Variants in THAP3 observed in about 807,000 individuals in gnomAD.
The protein encoded by THAP3 is THAP domain containing 3.
In THAP3, 12 loss-of-function variants were observed where a neutral mutation model predicts 17.7. That is an observed-to-expected ratio of 0.68 (90% CI 0.43 to 1.10). The LOEUF is 1.10. THAP3 is among the 50% of genes least tolerant of loss of function. The pLI is 0.00. For missense variants in THAP3, 289 were observed against 318.0 expected, an observed-to-expected ratio of 0.91 and a Z score of 0.69; for synonymous variants, 133 against 126.9, an observed-to-expected ratio of 1.05 and a Z score of -0.32.
At chr1:6,634,096 G>A (rs767361765), downstream of THAP3, 5 of 1,612,894 alleles carry the variant, frequency 3.1e-6, no homozygotes, top group African/African-American at 2.7e-5. Context: ...TGAAGGATGG[G>A]GAGGAGGCCT....
intron 2 of THAP3, among the ~76,000 whole-genome samples, chr1:6,627,519 C>T (rs1028092250): frequency 6.6e-6 from 1 of 152,142 alleles, no homozygotes; most frequent in Non-Finnish European, 1.5e-5. Context: ...AGTGCGCCAC[C>T]ACGCTGGGCT....
chr1:6,632,574 C>A, intron 5 of THAP3, 79 bp downstream of exon 5: 1 of 1,587,832 alleles, frequency 6.3e-7, no homozygotes. Flanking sequence ...AGTGAGCACC[C>A]ACCATGAGAC....
downstream of THAP3, chr1:6,635,425 C>T (rs1207603248): frequency 4.1e-6 from 2 of 488,912 alleles, no homozygotes; most frequent in African/African-American, 3.9e-5. Flanking sequence ...CCTCCAGGAA[C>T]TGATCCTTGG....
intron 2 of THAP3, among the ~76,000 whole-genome samples, chr1:6,626,890 G>A (rs924323982): frequency 6.6e-6 from 1 of 152,186 alleles, no homozygotes; most frequent in Admixed American, 6.5e-5. Flanking sequence ...GTTTTGGTGG[G>A]ACTTGTGTTG....
chr1:6,625,286 T>A lies in THAP3; in HGVS notation c.68T>A (p.Phe23Tyr). The A allele has an allele frequency of 6.5e-7, 1 of 1,540,950 alleles. No homozygotes were observed. Among genetic ancestry groups the A allele is most frequent in the Non-Finnish European group, 8.7e-7 (1 of 1,145,602 alleles). Residue 23 changes from phenylalanine to tyrosine, a missense_variant, in exon 2 of 6, where the codon TTC becomes TAC. Physicochemically the swap from Phe to Tyr is conservative, Grantham distance 22. Coordinates refer to ENST00000054650, the MANE Select transcript of THAP3 (RefSeq NM_001195753.2). ...AGCAGCCGCAGGAAGCAGCTCACCTTCCACCGGTAAGAGGCGGGGACCCGG... is the reference window on the plus strand; with the variant it reads ...AGCAGCCGCAGGAAGCAGCTCACCTACCACCGGTAAGAGGCGGGGACCCGG... Reference protein sequence around the residue: ...RYSSRRKQLTFHRFPFSRPEL... With the variant: ...RYSSRRKQLTYHRFPFSRPEL...
At chr1:6,632,046 CAAA>C (rs35349874) in intron 4 of THAP3, among the ~76,000 whole-genome samples, 2 of 111,390 alleles carry the variant, frequency 1.8e-5, no homozygotes, top group African/African-American at 3.6e-5. Flanking sequence ...GATTCCGTCT[CAAA>C]AAAAAAAAAA....
rs780408921 is a variant in THAP3, at chr1:6,632,528, G to A, written c.438+33G>A. On this transcript the variant is annotated intron_variant, in intron 5 of 5. Transcript: ENST00000054650. ...TGAGTGCAAAGGTGGTCTGTGGTTGGACACAAGATGACTTGCTCCAAACAA... is the reference window on the plus strand; with the variant it reads ...TGAGTGCAAAGGTGGTCTGTGGTTGAACACAAGATGACTTGCTCCAAACAA... 2.5e-6 allele frequency: 4 copies of A among 1,612,994 alleles called. No homozygotes were observed. The South Asian group carries it at 4.4e-5, about 18-fold the overall frequency.
chr1:6,635,366 G>C (rs535300535), downstream of THAP3: 1 of 309,156 alleles, frequency 3.2e-6, no homozygotes. Flanking sequence ...GGCGGGCTGC[G>C]GTCAGCACGT....
At chr1:6,632,728 G>A in intron 5 of THAP3, 68 bp from the exon 6 acceptor site, 1 of 1,587,184 alleles carries the variant, frequency 6.3e-7, no homozygotes, top group Middle Eastern at 1.7e-4. Context: ...CGTGTCTGGT[G>A]GCCTGCTCAC....
intron 4 of THAP3, 94 bp from the exon 5 acceptor site, chr1:6,632,297 G>T (rs568072962): frequency 6.5e-7 from 1 of 1,546,604 alleles, no homozygotes; most frequent in Non-Finnish European, 8.8e-7. Context: ...GCTGGTCCCT[G>T]GCTGTTGCCA....
chr1:6,634,815 C>T (rs751221128), downstream of THAP3: 1 of 1,270,676 alleles, frequency 7.9e-7, no homozygotes, highest in Non-Finnish European at 1.0e-6. Context: ...GGCCTGGGGT[C>T]CACGCCTTTG....
rs1360935654 is a variant in THAP3 at position 6,625,162 on chromosome 1, T to C, written c.-57T>C. On this transcript the variant is annotated 5_prime_UTR_variant, in exon 2 of 6. Transcript: ENST00000054650. Reference sequence around the variant, plus strand: ...CCCCTCCCCGCAGGTCCCTCCCCTCTCCGCAGGCCCCGCCGCCGCCGCCAT... The same window carrying C: ...CCCCTCCCCGCAGGTCCCTCCCCTCCCCGCAGGCCCCGCCGCCGCCGCCAT... 4.3e-6 allele frequency: 6 copies of C among 1,380,140 alleles called. No individual in the cohort carries two copies. Among genetic ancestry groups the C allele is most frequent in the Non-Finnish European group, 5.9e-6 (6 of 1,015,188 alleles). 85.5% of individuals were successfully genotyped at this position (1,380,140 alleles called of 1,614,324 possible).
chr1:6,629,194 G>C (rs1191516673), intron 3 of THAP3, among the ~76,000 whole-genome samples: 1 of 152,210 alleles, frequency 6.6e-6, no homozygotes, highest in Non-Finnish European at 1.5e-5. Flanking sequence ...TGGCTCAGGA[G>C]AGGGCTCACA....
intron 3 of THAP3, 60 bp downstream of exon 3, chr1:6,628,751 T>TG (rs1641530527): frequency 6.6e-7 from 1 of 1,507,726 alleles, no homozygotes; most frequent in East Asian, 2.3e-5. Flanking sequence ...TACCAGCAGC[T>TG]GGGGGCAGTG....
chr1:6,634,609 C>T, downstream of THAP3: 2 of 1,366,330 alleles, frequency 1.5e-6, no homozygotes, highest in South Asian at 1.1e-5. Flanking sequence ...GAGAGACAGG[C>T]CTCACGTAAC....
chr1:6,632,671 G>A, intron 5 of THAP3, 125 bp from the exon 6 acceptor site: 1 of 1,445,192 alleles, frequency 6.9e-7, no homozygotes, highest in Non-Finnish European at 9.5e-7. Flanking sequence ...TCTGGATTTT[G>A]GGGGAGCAGC....
At chr1:6,635,382 C>T (rs1026963579), downstream of THAP3, 6 of 367,144 alleles carry the variant, frequency 1.6e-5, no homozygotes, top group African/African-American at 6.2e-5. Flanking sequence ...CACGTGTGCT[C>T]GGGACACAGC....
At position 6,628,824 on chromosome 1, in the gene THAP3, G is replaced by A. The variant is rs145179117; in HGVS notation, c.267+133G>A. 6.9e-4 allele frequency: 602 copies of A among 868,474 alleles called. 7 individuals are homozygous for A. In the African/African-American group the frequency reaches 9.5e-3, roughly 14 times the overall value. 53.8% of individuals were successfully genotyped at this position (868,474 alleles called of 1,614,324 possible). On this transcript the variant is annotated intron_variant, in intron 3 of 5. Transcript: ENST00000054650. ...ACTCCAGTGACAACAGCACTGTCAC[G>A]CCTCTGGGGTCCACAGCCCTGTGGC...
intron 2 of THAP3, 77 bp downstream of exon 2, chr1:6,625,369 G>A (rs1220699343): frequency 5.1e-6 from 7 of 1,384,770 alleles, no homozygotes; most frequent in African/African-American, 3.1e-5. Context: ...TTGGCGCGCC[G>A]GGCGGGAGGC....
Sources: allele counts gnomAD v4.1 joint callset (sites outside exome capture counted in the v4.1 genomes callset), GRCh38; gene constraint gnomAD v4.1.1; transcripts MANE v1.5; gene names NCBI Gene and HGNC (gene_info 2026-07-23, HGNC 2026-07-21).